Variants in ZNF775 observed in about 807,000 individuals in gnomAD.
ZNF775 encodes zinc finger protein 775.
Under a neutral mutation model 2.4 loss-of-function variants are expected in ZNF775, and 1 was observed. The observed-to-expected ratio is 0.41, with a 90% CI of 0.15 to 1.94. ZNF775 has a LOEUF of 1.94. ZNF775 is among the 30% of genes most tolerant of loss of function. ZNF775 has a pLI of 0.30. For missense variants in ZNF775, 823 were observed against 826.6 expected (o/e 1.00, Z 0.05); for synonymous variants, 381 against 373.3 (o/e 1.02, Z -0.24).
chr7:150,395,265 C>T lies in ZNF775; in HGVS notation c.32-1248C>T, dbSNP rs28587950. Among the ~76,000 whole-genome samples the T allele has an allele frequency of 3.0e-3, 450 of 152,194 alleles. 2 individuals carry two copies. Among genetic ancestry groups the T allele is most frequent in the African/African-American group, 9.9e-3 (409 of 41,512 alleles). On this transcript the variant is annotated intron_variant, in intron 2 of 2. Transcript: ENST00000329630. ...TTGGGGATTTTCAGAATCCTTTTTGCGGCTACATGTCCCTTATCTATAATC... is the reference window on the plus strand; with the variant it reads ...TTGGGGATTTTCAGAATCCTTTTTGTGGCTACATGTCCCTTATCTATAATC...
rs1216997883 is a variant in ZNF775, at chr7:150,397,397, G to C, written c.916G>C (p.Glu306Gln). 1 of 1,596,260 alleles carries C rather than the reference G, an allele frequency of 6.3e-7. No homozygotes were observed. Among genetic ancestry groups the C allele is most frequent in the Middle Eastern group, 1.7e-4 (1 of 6,018 alleles). Residue 306 changes from glutamate to glutamine, a missense_variant, in exon 3 of 3, where the codon GAG becomes CAG. Glu to Gln is a conservative substitution (Grantham distance 29). Transcript: ENST00000329630. ...LNIHQRIHTG[E>Q]RPYACPECGR... ...CATCCACCAGCGCATCCACACTGGC[G>C]AGCGCCCCTATGCGTGCCCCGAGTG... is the stretch of plus-strand genomic sequence containing the variant.
intron 1 of ZNF775, among the ~76,000 whole-genome samples, chr7:150,386,721 C>G (rs1487665065): frequency 6.6e-6 from 1 of 152,154 alleles, no homozygotes; most frequent in Non-Finnish European, 1.5e-5. Flanking sequence ...TACAGGTGCA[C>G]GGGACCACAT....
rs761549870 is a variant in ZNF775, at chr7:150,397,101, G to C, written c.620G>C (p.Arg207Pro). Reference sequence around the variant, plus strand: ...TGCTTCCGTCACCAGGTGGGCCTCCGCATCCACCAGCGCGCGCACGCCCGG... The same window carrying C: ...TGCTTCCGTCACCAGGTGGGCCTCCCCATCCACCAGCGCGCGCACGCCCGG... ...ERCFRHQVGL[R>P]IHQRAHARDR... Residue 207 changes from arginine (R) to proline (P), a missense_variant, in exon 3 of 3, where the codon CGC (arginine) becomes CCC (proline). By Grantham distance (103) the Arg-to-Pro change is moderately radical. Transcript: ENST00000329630. The C allele has an allele frequency of 5.1e-6, 8 of 1,557,184 alleles. No homozygotes were observed. The highest frequency in any genetic ancestry group is 6.9e-6 in the Non-Finnish European group (8 of 1,159,552).
chr7:150,381,988 C>T lies in ZNF775; in HGVS notation c.-50+2596C>T, dbSNP rs554087944. Among the ~76,000 whole-genome samples the T allele has an allele frequency of 4.0e-5, 6 of 151,244 alleles. No individual in the cohort carries two copies. In the South Asian group the frequency reaches 1.3e-3, roughly 32 times the overall value. On this transcript the variant is annotated intron_variant, in intron 1 of 2. Transcript: ENST00000329630. Reference sequence around the variant, plus strand: ...GGGACAGGGGAGTTGTGGGAGGCTTCAGGGTGCCTGATGCTGGGTGTGGGG... The same window carrying T: ...GGGACAGGGGAGTTGTGGGAGGCTTTAGGGTGCCTGATGCTGGGTGTGGGG...
At chr7:150,389,756 T>C (rs1460818542) in intron 2 of ZNF775, among the ~76,000 whole-genome samples, 1 of 152,174 alleles carries the variant, frequency 6.6e-6, no homozygotes, top group East Asian at 1.9e-4. Context: ...CGGAGGCACG[T>C]GGGGACTGGC....
At chr7:150,392,615 C>T (rs992264969) in intron 2 of ZNF775, among the ~76,000 whole-genome samples, 1 of 150,640 alleles carries the variant, frequency 6.6e-6, no homozygotes, top group Non-Finnish European at 1.5e-5. Context: ...CTCACTGCAG[C>T]CTCAGCCTCC....
In ZNF775 at chr7:150,396,144, TA is replaced by T. The variant is rs143256024; in HGVS notation, c.32-366del. Among the ~76,000 whole-genome samples the T allele has an allele frequency of 3.9e-3, 593 of 152,280 alleles. 5 individuals are homozygous for T. The highest frequency in any genetic ancestry group is 0.013 in the African/African-American group (558 of 41,564). ...GCAGATTTCACTGGATCGGTTTCTT[TA>T]AACCTTCTCTGCATCTCCTCGGCCT... is the stretch of plus-strand genomic sequence containing the variant. On this transcript the variant is annotated intron_variant, in intron 2 of 2. Transcript: ENST00000329630.
intron 2 of ZNF775, among the ~76,000 whole-genome samples, chr7:150,395,574 G>A (rs1800633158): frequency 1.3e-5 from 2 of 152,134 alleles, no homozygotes; most frequent in Admixed American, 1.3e-4. Flanking sequence ...TCTGTAATAG[G>A]GCATTATCCT....
At position 150,395,109 on chromosome 7, in the gene ZNF775, C is replaced by T. The variant is rs192303709; in HGVS notation, c.32-1404C>T. 2.0e-4 allele frequency among the ~76,000 whole-genome samples: 31 copies of T among 152,224 alleles called. No homozygotes were observed. The East Asian group carries it at 5.8e-3, about 28-fold the overall frequency. On this transcript the variant is annotated intron_variant, in intron 2 of 2. Transcript: ENST00000329630. The stretch of plus-strand genomic sequence containing the variant: ...CATTTTTGAGGTACACTGAGATGTT[C>T]TTCTCAGTCTCTTTTAGTTGTTTAT...
In ZNF775 at chr7:150,396,642, G is replaced by C. The variant is rs1255589255; in HGVS notation, c.161G>C (p.Arg54Pro). The C allele has an allele frequency of 6.2e-7, 1 of 1,611,784 alleles. No individual in the cohort carries two copies. The highest frequency in any genetic ancestry group is 2.2e-5 in the East Asian group (1 of 44,848). Residue 54 changes from arginine (R) to proline (P), a missense_variant, in exon 3 of 3, where the codon CGC becomes CCC. By Grantham distance (103) the Arg-to-Pro change is moderately radical. Coordinates refer to ENST00000329630, the MANE Select transcript of ZNF775 (RefSeq NM_173680.4). ...CAGCAGCACCGGGGCCTCCCGCCAC[G>C]CCAGACCATGGGGCGGCCTCGAGCC... Reference protein sequence around the residue: ...IFQQHRGLPPRQTMGRPRALG... With the variant: ...IFQQHRGLPPPQTMGRPRALG...
intron 1 of ZNF775, among the ~76,000 whole-genome samples, chr7:150,386,672 ATC>A (rs1295753843): frequency 4.6e-5 from 7 of 151,932 alleles, no homozygotes; most frequent in Non-Finnish European, 1.0e-4. Context: ...CGAGCTGTGC[ATC>A]TCTGTGGGGC....
chr7:150,386,538 T>C (rs918118384), intron 1 of ZNF775, among the ~76,000 whole-genome samples: 2 of 152,072 alleles, frequency 1.3e-5, no homozygotes, highest in Non-Finnish European at 2.9e-5. Flanking sequence ...AGAGGGAGTC[T>C]GGGTCTCTGC....
chr7:150,388,686 A>G (rs1800501411), intron 2 of ZNF775, among the ~76,000 whole-genome samples, 185 bp downstream of exon 2: 1 of 152,252 alleles, frequency 6.6e-6, no homozygotes, highest in Admixed American at 6.5e-5. Flanking sequence ...GAACAATGAC[A>G]GAGGCTGTGG....
intron 2 of ZNF775, among the ~76,000 whole-genome samples, chr7:150,392,590 G>A (rs1456871008): frequency 1.4e-5 from 2 of 138,220 alleles, no homozygotes; most frequent in African/African-American, 3.2e-5. Context: ...TCTCTCTGCA[G>A]TGGCATGATC....
chr7:150,392,769 A>G (rs1457954161), intron 2 of ZNF775, among the ~76,000 whole-genome samples: 2 of 152,178 alleles, frequency 1.3e-5, no homozygotes, highest in Non-Finnish European at 1.5e-5. Flanking sequence ...CCTGCACTTA[A>G]GCAATCCTCC....
At position 150,385,895 on chromosome 7, in the gene ZNF775, T is replaced by C. The variant is rs77375155; in HGVS notation, c.-49-2527T>C. 3.8e-3 allele frequency among the ~76,000 whole-genome samples: 571 copies of C among 152,218 alleles called. 4 individuals carry two copies. The highest frequency in any genetic ancestry group is 0.013 in the African/African-American group (542 of 41,526). ...GTGATGTCTTCCTTGATACTTAAAT[T>C]TCAAAGAAATGGCCCCCAGGACCTT... On this transcript the variant is annotated intron_variant, in intron 1 of 2. Coordinates refer to ENST00000329630, the MANE Select transcript of ZNF775 (RefSeq NM_173680.4).
In ZNF775 at chr7:150,398,049, T is replaced by C; in HGVS notation, c.1568T>C (p.Val523Ala). The C allele has an allele frequency of 6.4e-7, 1 of 1,569,302 alleles. No homozygotes were observed. Among genetic ancestry groups the C allele is most frequent in the Non-Finnish European group, 8.6e-7 (1 of 1,162,586 alleles). Reference protein sequence around the residue: ...QKQHLLKHQRVHRAAPACSPK... With the variant: ...QKQHLLKHQRAHRAAPACSPK... ...CAGCACCTGCTCAAGCACCAGCGCG[T>C]GCACCGCGCGGCCCCTGCGTGCAGC... The change falls in exon 3 of 3, where the codon GTG (valine) becomes GCG (alanine). Residue 523 changes from valine (V) to alanine (A), a missense_variant. By Grantham distance (64) the Val-to-Ala change is moderately conservative. Coordinates refer to ENST00000329630, the MANE Select transcript of ZNF775 (RefSeq NM_173680.4).
rs755995571 is a variant in ZNF775 at position 150,396,598 on chromosome 7, G to C, written c.117G>C (p.Lys39Asn). Residue 39 changes from lysine (K) to asparagine (N), a missense_variant, in exon 3 of 3, where the codon AAG becomes AAC. Lys to Asn is a moderately conservative substitution (Grantham distance 94). Coordinates refer to ENST00000329630, the MANE Select transcript of ZNF775 (RefSeq NM_173680.4). ...CGCCGCAGGCCATGCTTGTGGAGAA[G>C]GACAAGGAGAACATATTTCAGCAGC... ...TLAPQAMLVE[K>N]DKENIFQQHR... 1 of 1,610,740 alleles carries C rather than the reference G, an allele frequency of 6.2e-7. No individual in the cohort carries two copies. The highest frequency in any genetic ancestry group is 8.5e-7 in the Non-Finnish European group (1 of 1,179,382).
At chr7:150,389,993 C>T (rs2129621070) in intron 2 of ZNF775, among the ~76,000 whole-genome samples, 1 of 151,710 alleles carries the variant, frequency 6.6e-6, no homozygotes, top group South Asian at 2.1e-4. Flanking sequence ...TCAGTACATT[C>T]AGTGTTGTGT....
Sources: gnomAD v4.1 joint callset for allele counts (sites outside exome capture counted in the v4.1 genomes callset) on GRCh38, gnomAD v4.1.1 for gene constraint, MANE v1.5 for transcripts, NCBI Gene and HGNC (gene_info 2026-07-23, HGNC 2026-07-21) for gene names.